The following ASIC5 variants were observed in gnomAD, a reference collection of about 807,000 sequenced individuals.
The protein encoded by ASIC5 is acid sensing ion channel subunit family member 5.
Under a neutral mutation model 51.2 loss-of-function variants are expected in ASIC5, and 52 were observed. The observed-to-expected ratio is 1.02, with a 90% CI of 0.81 to 1.28. The LOEUF (loss-of-function observed/expected upper bound fraction) is 1.28. ASIC5 is among the 50% of genes most tolerant of loss of function. The pLI, the probability that ASIC5 is intolerant of heterozygous loss-of-function variation, is 0.00. For missense variants in ASIC5, 635 were observed against 595.0 expected, an observed-to-expected ratio of 1.07 and a Z score of -0.70; for synonymous variants, 231 against 200.7, an observed-to-expected ratio of 1.15 and a Z score of -1.28.
At chr4:155,832,706 A>G (rs1740895877) in intron 8 of ASIC5, among the ~76,000 whole-genome samples, 1 of 151,780 alleles carries the variant, frequency 6.6e-6, no homozygotes, top group Non-Finnish European at 1.5e-5. Context: ...TATAGTGTAA[A>G]TTTTCACACT....
intron 6 of ASIC5, among the ~76,000 whole-genome samples, chr4:155,841,465 G>A (rs146390515): frequency 6.7e-4 from 102 of 152,196 alleles, no homozygotes; most frequent in African/African-American, 2.5e-3. Flanking sequence ...AGATCACCTA[G>A]GGGAGAAATT....
Position 155,829,865 on chromosome 4 carries a change from C to T in ASIC5, c.1509G>A (p.Glu503=), listed in dbSNP as rs1311219236. The change falls in exon 10 of 10, where the codon GAG becomes GAA. Residue 503 remains glutamate (E), a synonymous_variant. Coordinates refer to ENST00000537611, the MANE Select transcript of ASIC5 (RefSeq NM_017419.3). ...TTATTCTAAGTGACCATTAACACTC[C>T]TCTATCCTATTTTTATTTCCCAGAT... is the stretch of plus-strand genomic sequence containing the variant. ...QNHLGNKNRI[E]EC The T allele has an allele frequency of 1.3e-6, 2 of 1,583,598 alleles. No individual in the cohort carries two copies. Among genetic ancestry groups the T allele is most frequent in the Non-Finnish European group, 1.7e-6 (2 of 1,167,228 alleles).
intron 2 of ASIC5, among the ~76,000 whole-genome samples, chr4:155,862,319 C>T (rs1741730816): frequency 6.6e-6 from 1 of 152,028 alleles, no homozygotes; most frequent in Non-Finnish European, 1.5e-5. Flanking sequence ...ATATATTGAA[C>T]ACCTGTTCTA....
chr4:155,835,727 CA>C (rs1255916502), intron 8 of ASIC5, among the ~76,000 whole-genome samples: 1 of 152,136 alleles, frequency 6.6e-6, no homozygotes, highest in African/African-American at 2.4e-5. Context: ...GCCTGTTTAT[CA>C]CTTTATCTGC....
intron 4 of ASIC5, among the ~76,000 whole-genome samples, chr4:155,847,683 C>CTGCA (rs2111247418): frequency 1.3e-5 from 2 of 152,060 alleles, no homozygotes; most frequent in African/African-American, 4.8e-5. Flanking sequence ...GATCATGTCA[C>CTGCA]TGCACTCCAG....
At position 155,836,889 on chromosome 4, in the gene ASIC5, G is replaced by A. The variant is rs1366266314; in HGVS notation, c.1067-32C>T. The A allele has an allele frequency of 2.7e-6, 4 of 1,487,932 alleles. No homozygotes were observed. The Admixed American group carries it at 5.7e-5, about 21-fold the overall frequency. 92.2% of individuals were successfully genotyped at this position (1,487,932 alleles called of 1,614,324 possible). ...TGAAAATCAGGACAGGGAATTCAGAGAAGAGAAATATTTCATCATGGGTAG... is the reference window on the plus strand; with the variant it reads ...TGAAAATCAGGACAGGGAATTCAGAAAAGAGAAATATTTCATCATGGGTAG... On this transcript the variant is annotated intron_variant, in intron 7 of 9. Coordinates refer to ENST00000537611, the MANE Select transcript of ASIC5 (RefSeq NM_017419.3).
At chr4:155,836,941 A>G (rs1156514850) in intron 7 of ASIC5, 84 bp from the exon 8 acceptor site, 1 of 1,040,868 alleles carries the variant, frequency 9.6e-7, no homozygotes, top group East Asian at 2.5e-5. Context: ...TTATCATTTC[A>G]CTTTCAATAT....
chr4:155,843,278 A>G (rs1186073181), intron 5 of ASIC5, among the ~76,000 whole-genome samples: 1 of 152,074 alleles, frequency 6.6e-6, no homozygotes, highest in Admixed American at 6.6e-5. Flanking sequence ...TCAGGAAGCT[A>G]ATTAAAGAAG....
chr4:155,854,701 C>T (rs887507201), intron 2 of ASIC5: 1 of 197,654 alleles, frequency 5.1e-6, no homozygotes, highest in Non-Finnish European at 1.0e-5. Flanking sequence ...CATTCCCATC[C>T]TTGTATATAT....
intron 7 of ASIC5, 48 bp downstream of exon 7, chr4:155,838,765 A>G: frequency 8.6e-7 from 1 of 1,166,920 alleles, no homozygotes; most frequent in South Asian, 1.3e-5. Context: ...TATTACTTTG[A>G]GCAACTTTAA....
Position 155,830,000 on chromosome 4 carries a change from G to C in ASIC5, c.1374C>G (p.Ile458Met). ...GATATTCAATAATTTCTATGATCGT[G>C]ATCAGACTGGCCCCACAAAATAGAC... is the stretch of plus-strand genomic sequence containing the variant. ...QLGLFCGASL[I>M]TIIEIIEYLF... The change falls in exon 10 of 10, where the codon ATC becomes ATG. Residue 458 changes from isoleucine (I) to methionine (M), a missense_variant. By Grantham distance (10) the Ile-to-Met change is conservative. Coordinates refer to ENST00000537611, the MANE Select transcript of ASIC5 (RefSeq NM_017419.3). 1 of 1,593,318 alleles carries C rather than the reference G, an allele frequency of 6.3e-7. No homozygotes were observed. Among genetic ancestry groups the C allele is most frequent in the Non-Finnish European group, 8.6e-7 (1 of 1,169,498 alleles).
chr4:155,837,780 C>A (rs1443630073), intron 7 of ASIC5, among the ~76,000 whole-genome samples: 14 of 152,064 alleles, frequency 9.2e-5, no homozygotes, highest in Admixed American at 7.9e-4. Flanking sequence ...CATAGGCTCA[C>A]ATGCACATAC....
chr4:155,847,235 A>C (rs1039179177), intron 4 of ASIC5, among the ~76,000 whole-genome samples: 1 of 152,058 alleles, frequency 6.6e-6, no homozygotes, highest in Non-Finnish European at 1.5e-5. Context: ...AACTGAGATA[A>C]AAATTTTTGT....
intron 2 of ASIC5, among the ~76,000 whole-genome samples, chr4:155,858,690 AC>A (rs1485179773): frequency 6.6e-6 from 1 of 152,060 alleles, no homozygotes; most frequent in African/African-American, 2.4e-5. Flanking sequence ...AAAGGAAAGA[AC>A]AAAAAGGGGA....
chr4:155,836,852 T>C lies in ASIC5; in HGVS notation c.1072A>G (p.Ile358Val), dbSNP rs1740993916. The C allele has an allele frequency of 6.3e-7, 1 of 1,590,552 alleles. No homozygotes were observed. The highest frequency in any genetic ancestry group is 8.6e-7 in the Non-Finnish European group (1 of 1,166,570). Residue 358 changes from isoleucine to valine, a missense_variant, in exon 8 of 10, where the codon ATT (isoleucine) becomes GTT (valine). Ile to Val is a conservative substitution (Grantham distance 29). Coordinates refer to ENST00000537611, the MANE Select transcript of ASIC5 (RefSeq NM_017419.3). ...FSCVSPVLDHIEFKDLCTVGT... is the reference protein window; with the variant it reads ...FSCVSPVLDHVEFKDLCTVGT... ...ACTGTACATAAATCCTTAAATTCAATGTGGTCTGAAATGAAAATCAGGACA... is the reference window on the plus strand; with the variant it reads ...ACTGTACATAAATCCTTAAATTCAACGTGGTCTGAAATGAAAATCAGGACA...
intron 8 of ASIC5, among the ~76,000 whole-genome samples, chr4:155,835,800 A>G (rs895034970): frequency 2.0e-5 from 3 of 152,164 alleles, no homozygotes; most frequent in African/African-American, 7.2e-5. Context: ...TGTAAAGATC[A>G]CTTTGTTACC....
intron 2 of ASIC5, 109 bp downstream of exon 2, chr4:155,863,339 G>T: frequency 1.1e-6 from 1 of 870,248 alleles, no homozygotes; most frequent in Non-Finnish European, 1.7e-6. Flanking sequence ...TAATTCAGTG[G>T]TTTTACATAT....
chr4:155,848,208 CTT>C (rs981613361), intron 4 of ASIC5, among the ~76,000 whole-genome samples: 22 of 151,820 alleles, frequency 1.4e-4, no homozygotes, highest in Admixed American at 7.9e-4. Context: ...AAATGAATGA[CTT>C]TACAATAACC....
rs1220759604 is a variant in ASIC5 at position 155,855,514 on chromosome 4, T to C, written c.348-1200A>G. Among the ~76,000 whole-genome samples the C allele has an allele frequency of 3.3e-5, 5 of 152,060 alleles. No individual in the cohort carries two copies. In the East Asian group the frequency reaches 9.7e-4, roughly 30 times the overall value. Reference sequence around the variant, plus strand: ...AAACATGATGAGGACTTTCATATTTTAGATATTATAAATTTTGAAACTGAA... The same window carrying C: ...AAACATGATGAGGACTTTCATATTTCAGATATTATAAATTTTGAAACTGAA... On this transcript the variant is annotated intron_variant, in intron 2 of 9. Coordinates refer to ENST00000537611, the MANE Select transcript of ASIC5 (RefSeq NM_017419.3).
Sources: allele counts gnomAD v4.1 joint callset (sites outside exome capture counted in the v4.1 genomes callset), GRCh38; gene constraint gnomAD v4.1.1; transcripts MANE v1.5; gene names NCBI Gene and HGNC (gene_info 2026-07-23, HGNC 2026-07-21).